Variants in FRMPD2 observed in about 807,000 individuals in gnomAD.
The protein encoded by FRMPD2 is FERM and PDZ domain containing 2.
In FRMPD2, 96 loss-of-function variants were observed where a neutral mutation model predicts 140.1. That is an observed-to-expected ratio of 0.69 (90% CI 0.58 to 0.81). The LOEUF (loss-of-function observed/expected upper bound fraction) is 0.81. Among genes scored for constraint, FRMPD2 ranks in the 40% least tolerant of loss-of-function variants. The pLI is 0.00. For missense variants in FRMPD2, 1,240 were observed against 1,447.4 expected, an observed-to-expected ratio of 0.86 and a Z score of 2.32; for synonymous variants, 449 against 547.6, an observed-to-expected ratio of 0.82 and a Z score of 2.52.
intron 9 of FRMPD2, 150 bp downstream of exon 9, chr10:48,236,332 A>G (rs1214668639): frequency 2.4e-5 from 16 of 679,012 alleles, no homozygotes; most frequent in Non-Finnish European, 4.2e-5. Flanking sequence ...CAGCAGTGGG[A>G]GGCAGTGATG....
At chr10:48,246,534 G>T (rs1417762713) in intron 3 of FRMPD2, among the ~76,000 whole-genome samples, 1 of 152,248 alleles carries the variant, frequency 6.6e-6, no homozygotes, top group African/African-American at 2.4e-5. Flanking sequence ...AGCATAGGAT[G>T]GGGTACTGGC....
intron 10 of FRMPD2, among the ~76,000 whole-genome samples, chr10:48,224,274 G>T (rs1839674119): frequency 6.6e-6 from 1 of 152,104 alleles, no homozygotes; most frequent in South Asian, 2.1e-4. Context: ...ACTGCTGCAG[G>T]TCTGCCCCTG....
At chr10:48,179,931 A>T (rs1367327531) in intron 21 of FRMPD2, among the ~76,000 whole-genome samples, 1 of 152,196 alleles carries the variant, frequency 6.6e-6, no homozygotes, top group African/African-American at 2.4e-5. Context: ...GAAACCAGTA[A>T]TATCAGTTCA....
intron 28 of FRMPD2, among the ~76,000 whole-genome samples, chr10:48,161,262 G>A (rs1334375782): frequency 6.7e-6 from 1 of 150,028 alleles, no homozygotes; most frequent in African/African-American, 2.5e-5. Context: ...CTCTCGTGTG[G>A]CTCTAAAAGG....
rs1438873976 is a variant in FRMPD2, at chr10:48,173,084, G to C, written c.3085C>G (p.Leu1029Val). 7.1e-6 allele frequency: 6 copies of C among 844,300 alleles called. No homozygotes were observed. Among genetic ancestry groups the C allele is most frequent in the Non-Finnish European group, 1.2e-5 (6 of 496,790 alleles). The allele number at this position is 844,300 out of a possible 1,614,324, so 52.3% of individuals were successfully genotyped here. A position where few individuals can be genotyped will look rare whatever the true frequency, so the allele number is the denominator to read the frequency against. Residue 1029 changes from leucine (L) to valine (V), a missense_variant, in exon 25 of 29, where the codon CTG (leucine) becomes GTG (valine). Coordinates refer to ENST00000374201, the MANE Select transcript of FRMPD2 (RefSeq NM_001018071.4). ...CLTGPGQVAR[L>V]VLERRVPRST... ...CTGGGGACTCTTCTCTCTAAGACCA[G>C]TCTTGCAACCTAGAAGGAAAGGTGA...
At chr10:48,186,153 G>T (rs114300349) in intron 17 of FRMPD2, among the ~76,000 whole-genome samples, 566 of 152,338 alleles carry the variant, frequency 3.7e-3, no homozygotes, top group African/African-American at 0.013. Flanking sequence ...TCATGGAGGA[G>T]CCCCAGGCAG....
At chr10:48,189,775 C>T (rs1838786055) in intron 16 of FRMPD2, among the ~76,000 whole-genome samples, 2 of 152,192 alleles carry the variant, frequency 1.3e-5, no homozygotes, top group African/African-American at 4.8e-5. Flanking sequence ...GACCTGATGC[C>T]ACATCTCCCA....
chr10:48,223,667 G>C (rs1839660815), intron 10 of FRMPD2, among the ~76,000 whole-genome samples: 1 of 152,116 alleles, frequency 6.6e-6, no homozygotes, highest in Non-Finnish European at 1.5e-5. Flanking sequence ...CTCCTCCCCA[G>C]CCATGGACTC....
intron 12 of FRMPD2, among the ~76,000 whole-genome samples, chr10:48,219,755 T>C (rs113087452): frequency 6.6e-6 from 1 of 152,230 alleles, no homozygotes; most frequent in African/African-American, 2.4e-5. Context: ...TTACTAACAC[T>C]ATTAACTCCC....
chr10:48,200,151 TATAAATAAATAA>T (rs201958134), intron 15 of FRMPD2, among the ~76,000 whole-genome samples: 6,566 of 135,522 alleles, frequency 0.048, 436 homozygotes, highest in African/African-American at 0.15. Context: ...AGCTAAAAAA[TATAAATAAATAA>T]ATAAATAAAT....
At position 48,156,768 on chromosome 10, in the gene FRMPD2, T is replaced by A. The variant is rs1837787492; in HGVS notation, c.*554A>T. The A allele has an allele frequency of 5.5e-6, 1 of 183,014 alleles. No homozygotes were observed. The highest frequency in any genetic ancestry group is 1.1e-5 in the Non-Finnish European group (1 of 87,650). The allele number at this position is 183,014 out of a possible 1,614,324, so 11.3% of individuals were successfully genotyped here. A position where few individuals can be genotyped will look rare whatever the true frequency, so the allele number is the denominator to read the frequency against. On this transcript the variant is annotated 3_prime_UTR_variant, in exon 29 of 29. Transcript: ENST00000374201. ...CTCGTCACATGGCAAGCAGAGTCGGTCAGACTTTGGACAAGTTTATTGACT... is the reference window on the plus strand; with the variant it reads ...CTCGTCACATGGCAAGCAGAGTCGGACAGACTTTGGACAAGTTTATTGACT...
At chr10:48,256,506 C>G (rs1218995476) in intron 1 of FRMPD2, among the ~76,000 whole-genome samples, 1 of 152,194 alleles carries the variant, frequency 6.6e-6, no homozygotes, top group African/African-American at 2.4e-5. Flanking sequence ...AACTCTCCAT[C>G]AAGACACCAT....
chr10:48,231,028 G>A (rs181542760), intron 10 of FRMPD2, among the ~76,000 whole-genome samples: 112 of 152,290 alleles, frequency 7.4e-4, no homozygotes, highest in South Asian at 1.7e-3. Flanking sequence ...CTTAAATGAA[G>A]CTGAAAGATG....
chr10:48,251,540 T>C, intron 2 of FRMPD2, 26 bp downstream of exon 2: 1 of 1,611,114 alleles, frequency 6.2e-7, no homozygotes, highest in Non-Finnish European at 8.5e-7. Context: ...TCCCTGTGAT[T>C]TGACTGCCCC....
At chr10:48,202,757 A>G (rs1157089677) in intron 14 of FRMPD2, among the ~76,000 whole-genome samples, 2 of 152,188 alleles carry the variant, frequency 1.3e-5, no homozygotes, top group African/African-American at 4.8e-5. Flanking sequence ...AATCCTGACA[A>G]TTTTATATTA....
intron 12 of FRMPD2, 116 bp downstream of exon 12, chr10:48,222,197 A>G (rs1839611838): frequency 1.0e-6 from 1 of 998,186 alleles, no homozygotes; most frequent in Admixed American, 2.4e-5. Flanking sequence ...ACTCCAATCT[A>G]GCTGGTAGAT....
intron 1 of FRMPD2, among the ~76,000 whole-genome samples, chr10:48,255,565 A>G (rs2131974623): frequency 6.6e-6 from 1 of 152,350 alleles, no homozygotes; most frequent in Non-Finnish European, 1.5e-5. Context: ...AACAATGTTA[A>G]CAACCTACCC....
At chr10:48,250,599 G>C (rs1490347540) in intron 2 of FRMPD2, among the ~76,000 whole-genome samples, 1 of 151,912 alleles carries the variant, frequency 6.6e-6, no homozygotes, top group Non-Finnish European at 1.5e-5. Flanking sequence ...GTAGAAACAG[G>C]GTTTCACCAT....
intron 14 of FRMPD2, among the ~76,000 whole-genome samples, chr10:48,204,311 A>T (rs1203827933): frequency 6.6e-6 from 1 of 152,168 alleles, no homozygotes; most frequent in Non-Finnish European, 1.5e-5. Flanking sequence ...TTTTTATGGG[A>T]ATCCCATGAA....
Sources: allele counts gnomAD v4.1 joint callset (sites outside exome capture counted in the v4.1 genomes callset), GRCh38; gene constraint gnomAD v4.1.1; transcripts MANE v1.5; gene names NCBI Gene and HGNC (gene_info 2026-07-23, HGNC 2026-07-21).